SGCD: variants seen among roughly 807,000 people sequenced by gnomAD.
SGCD encodes delta-sarcoglycan.
Under a neutral mutation model 36.6 loss-of-function variants are expected in SGCD, and 18 were observed. The ratio of observed to expected loss-of-function variants is 0.49; its 90% confidence interval spans 0.34 to 0.73. SGCD has a LOEUF of 0.73. SGCD is among the 30% of genes least tolerant of loss of function. The pLI is 0.01. For synonymous variants in SGCD, 133 were observed against 130.6 expected, an observed-to-expected ratio of 1.02 and a Z score of -0.12; for missense variants, 387 against 346.7, an observed-to-expected ratio of 1.12 and a Z score of -0.92.
chr5:155,864,841 G>A, the SGCD span, among the ~76,000 whole-genome samples: 1 of 152,230 alleles, frequency 6.6e-6, no homozygotes, highest in East Asian at 1.9e-4. Flanking sequence ...CTTATCTTAG[G>A]AAAAATAGGA....
chr5:155,733,368 A>T, the SGCD span, among the ~76,000 whole-genome samples: 1 of 152,086 alleles, frequency 6.6e-6, no homozygotes, highest in African/African-American at 2.4e-5. Context: ...TTTCCCTTCT[A>T]TTTCATTGAA....
chr5:156,105,809 A>G (rs1761631609), intron 1 of SGCD, among the ~76,000 whole-genome samples: 3 of 151,946 alleles, frequency 2.0e-5, no homozygotes, highest in Admixed American at 2.0e-4. Context: ...ATCACTTAGG[A>G]CTGTGAAAAG....
rs115898215 is a variant in SGCD at position 156,721,273 on chromosome 5, G to A, written c.576-36308G>A. Among the ~76,000 whole-genome samples, 609 of 152,246 alleles carry A rather than the reference G, an allele frequency of 4.0e-3. 7 individuals are homozygous for A. The highest frequency in any genetic ancestry group is 0.013 in the African/African-American group (532 of 41,538). On this transcript the variant is annotated intron_variant, in intron 7 of 8. Transcript: ENST00000337851. Reference sequence around the variant, plus strand: ...TGTGTAGAGATGGTAACCAGGCCAGGATACTGGTTAAGATCACCTAGGAGG... The same window carrying A: ...TGTGTAGAGATGGTAACCAGGCCAGAATACTGGTTAAGATCACCTAGGAGG...
the SGCD span, among the ~76,000 whole-genome samples, chr5:155,827,845 A>ATTTTTTTTTTTTT: frequency 6.4e-5 from 8 of 124,896 alleles, no homozygotes; most frequent in Non-Finnish European, 8.1e-5. Context: ...CACCTGGCTA[A>ATTTTTTTTTTTTT]TTTTTTTTTT....
intron 3 of SGCD, among the ~76,000 whole-genome samples, chr5:156,378,556 C>CT (rs1411422662): frequency 2.6e-5 from 4 of 151,968 alleles, no homozygotes; most frequent in Non-Finnish European, 5.9e-5. Flanking sequence ...TAATTCCCCC[C>CT]ACCTATACAG....
chr5:155,910,378 A>G (rs1264467785), intron 1 of SGCD, among the ~76,000 whole-genome samples: 2 of 152,148 alleles, frequency 1.3e-5, no homozygotes, highest in African/African-American at 2.4e-5. Flanking sequence ...TTCTAGTGAC[A>G]GATTTTAGTA....
intron 4 of SGCD, among the ~76,000 whole-genome samples, chr5:156,533,992 T>A (rs376117733): frequency 7.2e-5 from 11 of 152,296 alleles, no homozygotes; most frequent in African/African-American, 2.6e-4. Flanking sequence ...TTTTCTTTTA[T>A]CTCCTTCAAA....
chr5:156,579,050 G>T (rs1196147281), intron 4 of SGCD, among the ~76,000 whole-genome samples: 1 of 152,152 alleles, frequency 6.6e-6, no homozygotes, highest in African/African-American at 2.4e-5. Flanking sequence ...TGGGCATTTA[G>T]TGCTATAAAT....
At chr5:156,423,096 A>C (rs1224773778) in intron 3 of SGCD, among the ~76,000 whole-genome samples, 1 of 144,888 alleles carries the variant, frequency 6.9e-6, no homozygotes, top group Non-Finnish European at 1.5e-5. Flanking sequence ...CACGAGGGTC[A>C]TTAGAAACAA....
At chr5:156,622,931 C>A (rs1762311290) in intron 6 of SGCD, among the ~76,000 whole-genome samples, 1 of 152,054 alleles carries the variant, frequency 6.6e-6, no homozygotes, top group African/African-American at 2.4e-5. Flanking sequence ...GTCAGAGAGT[C>A]CTTCTTGCTT....
the SGCD span, among the ~76,000 whole-genome samples, chr5:155,829,709 C>T: frequency 2.0e-5 from 3 of 152,152 alleles, no homozygotes; most frequent in Non-Finnish European, 2.9e-5. Flanking sequence ...AATTTCTTTA[C>T]GTTTCCATTG....
At chr5:156,505,189 G>A (rs1219758520) in intron 3 of SGCD, among the ~76,000 whole-genome samples, 1 of 152,206 alleles carries the variant, frequency 6.6e-6, no homozygotes, top group Admixed American at 6.5e-5. Flanking sequence ...CTTTGTTGCA[G>A]GTTCCACCTG....
At chr5:155,952,773 A>C (rs1393906414) in intron 1 of SGCD, among the ~76,000 whole-genome samples, 1 of 152,224 alleles carries the variant, frequency 6.6e-6, no homozygotes, top group Non-Finnish European at 1.5e-5. Context: ...CTTCCTTTCA[A>C]ACCTAGTCAT....
the SGCD span, among the ~76,000 whole-genome samples, chr5:155,758,934 C>T: frequency 6.6e-6 from 1 of 152,056 alleles, no homozygotes; most frequent in African/African-American, 2.4e-5. Flanking sequence ...GGTCAGTTTA[C>T]CGTGATATTT....
chr5:156,741,964 C>T (rs1300208145), intron 7 of SGCD, among the ~76,000 whole-genome samples: 1 of 152,068 alleles, frequency 6.6e-6, no homozygotes, highest in African/African-American at 2.4e-5. Flanking sequence ...AAAGCTCCAC[C>T]TCCCAGCTTC....
chr5:156,414,653 G>A (rs1772935347), intron 3 of SGCD, among the ~76,000 whole-genome samples: 1 of 152,140 alleles, frequency 6.6e-6, no homozygotes. Context: ...GCTTTTCACA[G>A]GCTTTTACAA....
Position 156,032,411 on chromosome 5 carries a change from A to C in SGCD, c.-281-85467A>C, listed in dbSNP as rs1022412521. On this transcript the variant is annotated intron_variant, in intron 1 of 9. Transcript: ENST00000517913. ...TGAGTCAACTTTTAGATACATTGTC[A>C]ATTGAAGGGTAAAAGAGTGTTTAAT... Among the ~76,000 whole-genome samples the C allele has an allele frequency of 5.9e-5, 9 of 151,888 alleles. No homozygotes were observed. The East Asian group carries it at 1.7e-3, about 29-fold the overall frequency.
intron 6 of SGCD, among the ~76,000 whole-genome samples, chr5:156,637,324 GTCTT>G (rs1410443011): frequency 6.6e-6 from 1 of 152,098 alleles, no homozygotes; most frequent in African/African-American, 2.4e-5. Context: ...TCTTGGGTAT[GTCTT>G]TATTAGCAGC....
chr5:156,072,053 CA>C (rs905881283), intron 1 of SGCD, among the ~76,000 whole-genome samples: 1 of 152,164 alleles, frequency 6.6e-6, no homozygotes, highest in Admixed American at 6.5e-5. Flanking sequence ...TTCCTCAATA[CA>C]GCACACTGAT....
Sources: allele counts gnomAD v4.1 joint callset (sites outside exome capture counted in the v4.1 genomes callset), GRCh38; gene constraint gnomAD v4.1.1; transcripts MANE v1.5; gene names NCBI Gene and HGNC (gene_info 2026-07-23, HGNC 2026-07-21).